Variants in ACOT6 observed in about 807,000 individuals in gnomAD.
ACOT6 encodes the protein acyl-CoA thioesterase 6.
Under a neutral mutation model 12.3 loss-of-function variants are expected in ACOT6, and 14 were observed. That is an observed-to-expected ratio of 1.14 (90% confidence interval 0.75 to 1.78). The LOEUF (loss-of-function observed/expected upper bound fraction) is 1.78. Ranked by LOEUF, ACOT6 falls within the 40% of genes most tolerant of loss-of-function variation. The pLI, the probability that ACOT6 is intolerant of heterozygous loss-of-function variation, is 0.00. For missense variants in ACOT6, 523 were observed against 551.8 expected, an observed-to-expected ratio of 0.95 and a Z score of 0.52; for synonymous variants, 218 against 231.3, an observed-to-expected ratio of 0.94 and a Z score of 0.52.
At position 73,618,847 on chromosome 14, in the gene ACOT6, C is replaced by T. The variant is rs376425596; in HGVS notation, c.661-387C>T. Among the ~76,000 whole-genome samples the T allele has an allele frequency of 2.9e-4, 44 of 152,242 alleles. No homozygotes were observed. In the South Asian group the frequency reaches 9.1e-3, roughly 32 times the overall value. On this transcript the variant is annotated intron_variant, in intron 2 of 2. Coordinates refer to ENST00000645972, the MANE Select transcript of ACOT6 (RefSeq NM_001365788.1). Reference sequence around the variant, plus strand: ...AAGCAAATGATAGTTAAGAAAGCTACTGGCGGGGCACGGTGGCTCATGCCT... The same window carrying T: ...AAGCAAATGATAGTTAAGAAAGCTATTGGCGGGGCACGGTGGCTCATGCCT...
At chr14:73,618,542 C>T (rs998916312) in intron 2 of ACOT6, among the ~76,000 whole-genome samples, 1 of 146,670 alleles carries the variant, frequency 6.8e-6, no homozygotes, top group African/African-American at 2.8e-5. Context: ...CTTTCCAGTA[C>T]AGAACTCCAG....
At position 73,619,243 on chromosome 14, in the gene ACOT6, C is replaced by G. The variant is rs1185986965; in HGVS notation, c.670C>G (p.Pro224Ala). ...FMLQHPKVKG[P>A]SIALLGFSKG... Reference sequence around the variant, plus strand: ...TCTTTTTCCTCAACAGGTGAAAGGTCCTAGTATTGCGCTTCTTGGATTTTC... The same window carrying G: ...TCTTTTTCCTCAACAGGTGAAAGGTGCTAGTATTGCGCTTCTTGGATTTTC... The change falls in exon 3 of 3, where the codon CCT becomes GCT. Residue 224 changes from proline to alanine, a missense_variant. This residue lies in a region of ACOT6 where 219 missense variants were observed against 277.0 expected (regional missense o/e 0.79). Transcript: ENST00000645972. The G allele has an allele frequency of 1.3e-6, 2 of 1,582,352 alleles. No homozygotes were observed. The highest frequency in any genetic ancestry group is 2.4e-5 in the South Asian group (2 of 84,756).
chr14:73,613,132 C>T, intron 1 of ACOT6, 100 bp downstream of exon 1: 1 of 495,418 alleles, frequency 2.0e-6, no homozygotes, highest in Non-Finnish European at 3.5e-6. Flanking sequence ...CTTGTTCCTT[C>T]GCTCCAGAGT....
rs1328145417 is a variant in ACOT6, at chr14:73,619,259, T to C, written c.686T>C (p.Leu229Pro). The C allele has an allele frequency of 6.3e-7, 1 of 1,593,886 alleles. No individual in the cohort carries two copies. The highest frequency in any genetic ancestry group is 1.4e-5 in the African/African-American group (1 of 73,616). Residue 229 changes from leucine (L) to proline (P), a missense_variant, in exon 3 of 3, where the codon CTT becomes CCT. Around this residue, in one of 2 missense-constraint regions of ACOT6, gnomAD observed 219 missense variants for 277.0 expected, o/e 0.79. Transcript: ENST00000645972. Reference protein sequence around the residue: ...PKVKGPSIALLGFSKGGDLCL... With the variant: ...PKVKGPSIALPGFSKGGDLCL... ...GTGAAAGGTCCTAGTATTGCGCTTC[T>C]TGGATTTTCCAAAGGAGGTGACCTG...
upstream of ACOT6, among the ~76,000 whole-genome samples, chr14:73,612,175 G>A (rs940631470): frequency 6.6e-6 from 1 of 151,826 alleles, no homozygotes; most frequent in Non-Finnish European, 1.5e-5. Flanking sequence ...CCAAGTAGCC[G>A]GGATTACAGG....
intron 2 of ACOT6, among the ~76,000 whole-genome samples, chr14:73,617,545 T>C (rs1392530237): frequency 2.0e-5 from 3 of 152,182 alleles, no homozygotes; most frequent in Non-Finnish European, 2.9e-5. Flanking sequence ...TTTGTAATTG[T>C]GGACCAAAAT....
At position 73,616,938 on chromosome 14, in the gene ACOT6, C is replaced by T. The variant is rs564708121; in HGVS notation, c.462-56C>T. ...CTCCTTGGCTTCAAAAACTTGTTTGCTTACTGTCTTTTGAGAAACTAAAGC... is the reference window on the plus strand; with the variant it reads ...CTCCTTGGCTTCAAAAACTTGTTTGTTTACTGTCTTTTGAGAAACTAAAGC... On this transcript the variant is annotated intron_variant, in intron 1 of 2. Transcript: ENST00000645972. 1,121 of 595,738 alleles carry T rather than the reference C, an allele frequency of 1.9e-3. 24 individuals are homozygous for T. In the South Asian group the frequency reaches 0.023, roughly 12 times the overall value. 36.9% of individuals were successfully genotyped at this position (595,738 alleles called of 1,614,324 possible).
At chr14:73,614,657 G>T (rs1890502137) in intron 1 of ACOT6, among the ~76,000 whole-genome samples, 1 of 150,872 alleles carries the variant, frequency 6.6e-6, no homozygotes, top group Non-Finnish European at 1.5e-5. Context: ...TGAGGTGGGA[G>T]AATCGCTTGA....
chr14:73,612,813 T>C lies in ACOT6; in HGVS notation c.242T>C (p.Leu81Pro), dbSNP rs1488195844. The stretch of plus-strand genomic sequence containing the variant: ...GCGGGGCTCCAGCCCATGGGGCTGC[T>C]GTGGGCGTTGGAGCCCGAGAAAGCC... ...SFAGLQPMGL[L>P]WALEPEKALV... Residue 81 changes from leucine (L) to proline (P), a missense_variant, in exon 1 of 3, where the codon CTG (leucine) becomes CCG (proline). Transcript: ENST00000645972. The C allele has an allele frequency of 4.9e-6, 7 of 1,423,152 alleles. No individual in the cohort carries two copies. The highest frequency in any genetic ancestry group is 2.6e-5 in the Admixed American group (1 of 38,842). 88.2% of individuals were successfully genotyped at this position (1,423,152 alleles called of 1,614,324 possible). A position where few individuals can be genotyped will look rare whatever the true frequency, so the allele number is the denominator to read the frequency against.
chr14:73,614,126 A>G (rs1890495189), intron 1 of ACOT6, among the ~76,000 whole-genome samples: 1 of 151,494 alleles, frequency 6.6e-6, no homozygotes, highest in Admixed American at 6.6e-5. Flanking sequence ...GTTTGATATC[A>G]GGAAGTAGAG....
chr14:73,619,037 C>T (rs554432478), intron 2 of ACOT6, among the ~76,000 whole-genome samples, 197 bp from the exon 3 acceptor site: 35 of 151,566 alleles, frequency 2.3e-4, no homozygotes, highest in Non-Finnish European at 3.8e-4. Flanking sequence ...GGCTGAGGCA[C>T]GAGAATTGCT....
rs1015344594 is a variant in ACOT6 at position 73,616,059 on chromosome 14, T to G, written c.462-935T>G. Among the ~76,000 whole-genome samples the G allele has an allele frequency of 2.6e-5, 4 of 151,742 alleles. 1 individual carries two copies. The highest frequency in any genetic ancestry group is 5.9e-5 in the Non-Finnish European group (4 of 67,924). On this transcript the variant is annotated intron_variant, in intron 1 of 2. Coordinates refer to ENST00000645972, the MANE Select transcript of ACOT6 (RefSeq NM_001365788.1). ...ACAGGTCACCACAAACTGGAACTCTTGGGCTCAGATGATCCTCCCGCCTCT... is the reference window on the plus strand; with the variant it reads ...ACAGGTCACCACAAACTGGAACTCTGGGGCTCAGATGATCCTCCCGCCTCT...
chr14:73,614,026 CAAAAAAAAA>C (rs59411143), intron 1 of ACOT6, among the ~76,000 whole-genome samples: 3 of 92,994 alleles, frequency 3.2e-5, no homozygotes, highest in Non-Finnish European at 4.3e-5. Context: ...TCTGTCTCTA[CAAAAAAAAA>C]AAAAAAAAAA....
chr14:73,616,142 A>C (rs1024189128), intron 1 of ACOT6, among the ~76,000 whole-genome samples: 1 of 151,898 alleles, frequency 6.6e-6, no homozygotes, highest in Admixed American at 6.6e-5. Context: ...AGTTTTTTAA[A>C]CTTTTTTGTA....
chr14:73,617,123 C>G lies in ACOT6; in HGVS notation c.591C>G (p.Pro197=), dbSNP rs997240678. ...ALAYFRFEDL[P]EDLNDVHLEY... ...CTTATTTCAGATTTGAAGACCTCCC[C>G]GAAGATCTGAATGATGTACATCTGG... Residue 197 remains proline (P), a synonymous_variant, in exon 2 of 3, where the codon CCC becomes CCG. Coordinates refer to ENST00000645972, the MANE Select transcript of ACOT6 (RefSeq NM_001365788.1). 1.2e-6 allele frequency: 2 copies of G among 1,611,414 alleles called. No homozygotes were observed. Among genetic ancestry groups the G allele is most frequent in the Non-Finnish European group, 1.7e-6 (2 of 1,177,696 alleles).
Position 73,612,952 on chromosome 14 carries a change from C to T in ACOT6, c.381C>T (p.Arg127=). Residue 127 remains arginine, a synonymous_variant, in exon 1 of 3, where the codon CGC becomes CGT. Transcript: ENST00000645972. The part of the protein sequence containing the change: ...GRLLCLAQNK[R]DFLRPGVRRE... The stretch of plus-strand genomic sequence containing the variant: ...TGCTGTGCCTGGCGCAGAACAAGCG[C>T]GACTTTCTCCGGCCGGGGGTGCGGC... 4.8e-6 allele frequency: 6 copies of T among 1,252,822 alleles called. No individual in the cohort carries two copies. The highest frequency in any genetic ancestry group is 3.2e-5 in the South Asian group (2 of 62,564). 77.6% of individuals were successfully genotyped at this position (1,252,822 alleles called of 1,614,324 possible). A position where few individuals can be genotyped will look rare whatever the true frequency, so the allele number is the denominator to read the frequency against.
intron 1 of ACOT6, among the ~76,000 whole-genome samples, chr14:73,613,469 C>A (rs1352241745): frequency 6.6e-6 from 1 of 152,174 alleles, no homozygotes; most frequent in Non-Finnish European, 1.5e-5. Context: ...TCACATCAAA[C>A]TTCCAAAGAA....
intron 2 of ACOT6, among the ~76,000 whole-genome samples, chr14:73,618,069 G>A (rs547335500): frequency 6.6e-6 from 1 of 152,112 alleles, no homozygotes; most frequent in South Asian, 2.1e-4. Flanking sequence ...CTCGAACTCA[G>A]GAGGCAGAGG....
Position 73,619,669 on chromosome 14 carries a change from TA to T in ACOT6, c.1097del (p.Tyr366PhefsTer31), listed in dbSNP as rs1358918242. On this transcript the variant is annotated frameshift_variant, in exon 3 of 3. Transcript: ENST00000645972. LOFTEE classifies it low-confidence loss of function (END_TRUNC). ...AACTGGTCACTGTATTGACCCACCTTATTTTCCTCCTTCTAGAGCTTCTGTG... is the reference window on the plus strand; with the variant it reads ...AACTGGTCACTGTATTGACCCACCTTTTTTCCTCCTTCTAGAGCTTCTGTG... ...PETGHCIDPP[Y>X]FPPSRASVHA... 6.2e-7 allele frequency: 1 copy of T among 1,614,176 alleles called. No individual in the cohort carries two copies. Among genetic ancestry groups the T allele is most frequent in the East Asian group, 2.2e-5 (1 of 44,876 alleles).
Sources: allele counts gnomAD v4.1 joint callset (sites outside exome capture counted in the v4.1 genomes callset), GRCh38; gene constraint gnomAD v4.1.1; regional missense constraint gnomAD v4.1.1; transcripts MANE v1.5; gene names NCBI Gene and HGNC (gene_info 2026-07-23, HGNC 2026-07-21).